Variants in JMJD1C observed in about 807,000 individuals in gnomAD.
The protein encoded by JMJD1C is jumonji domain containing 1C.
Under a neutral mutation model 245.3 loss-of-function variants are expected in JMJD1C, and 31 were observed. That is an observed-to-expected ratio of 0.13 (90% confidence interval 0.09 to 0.17). The LOEUF (loss-of-function observed/expected upper bound fraction) is 0.17, where lower values mean the gene tolerates loss of function less well. Among genes scored for constraint, JMJD1C ranks in the 10% least tolerant of loss-of-function variants. JMJD1C has a pLI of 1.00. For missense variants in JMJD1C, 2,691 were observed against 3,000.2 expected, an observed-to-expected ratio of 0.90 and a Z score of 2.41; for synonymous variants, 1,057 against 1,017.4, an observed-to-expected ratio of 1.04 and a Z score of -0.74.
chr10:63,313,412 C>T (rs760408268), intron 2 of JMJD1C, among the ~76,000 whole-genome samples: 5 of 152,136 alleles, frequency 3.3e-5, no homozygotes, highest in Admixed American at 6.5e-5. Context: ...CATGACTGTG[C>T]AAGTATCTTT....
intron 1 of JMJD1C, among the ~76,000 whole-genome samples, chr10:63,450,811 G>C (rs1308186916): frequency 6.6e-6 from 1 of 151,744 alleles, no homozygotes; most frequent in Non-Finnish European, 1.5e-5. Context: ...CATTGGACTA[G>C]TCAGAAACTT....
intron 2 of JMJD1C, among the ~76,000 whole-genome samples, chr10:63,359,797 A>T (rs1945168904): frequency 1.3e-5 from 2 of 152,184 alleles, no homozygotes; most frequent in Non-Finnish European, 2.9e-5. Context: ...CTGCTCTTAC[A>T]ATTTAGAATT....
At chr10:63,441,472 T>C (rs550848938) in intron 1 of JMJD1C, among the ~76,000 whole-genome samples, 2 of 152,294 alleles carry the variant, frequency 1.3e-5, no homozygotes, top group Middle Eastern at 3.4e-3. Flanking sequence ...CTAATACATA[T>C]AAAGTGCTCA....
chr10:63,386,999 C>T (rs770670927), intron 1 of JMJD1C, among the ~76,000 whole-genome samples: 2 of 152,174 alleles, frequency 1.3e-5, no homozygotes, highest in Non-Finnish European at 2.9e-5. Flanking sequence ...TAAAATGTCA[C>T]CACAGCTTCC....
In JMJD1C at chr10:63,207,607, G is replaced by A. The variant is rs771859624; in HGVS notation, c.4062C>T (p.Ile1354=). The change falls in exon 10 of 26, where the codon ATC becomes ATT. Residue 1354 remains isoleucine (I), a synonymous_variant. Coordinates refer to ENST00000399262, the MANE Select transcript of JMJD1C (RefSeq NM_032776.3). The part of the protein sequence containing the change: ...KLAEAGETGR[I]ILPNVNSDSV... ...TGTCTGAATTCACATTTGGCAAAAT[G>A]ATTCTTCCAGTTTCTCCGGCTTCTG... 70 of 1,614,000 alleles carry A rather than the reference G, an allele frequency of 4.3e-5. No individual in the cohort carries two copies. The highest frequency in any genetic ancestry group is 5.0e-5 in the Non-Finnish European group (59 of 1,180,020).
intron 2 of JMJD1C, among the ~76,000 whole-genome samples, chr10:63,322,718 G>C (rs745597454): frequency 1.1e-4 from 16 of 144,770 alleles, no homozygotes; most frequent in Non-Finnish European, 1.6e-4. Flanking sequence ...CAGGAGAACT[G>C]CTTGAACCTG....
chr10:63,496,310 C>T (rs1220696776), intron 1 of JMJD1C, among the ~76,000 whole-genome samples: 4 of 151,820 alleles, frequency 2.6e-5, no homozygotes, highest in Admixed American at 6.6e-5. Context: ...AATTTAAGAC[C>T]AGCATACTAT....
intron 3 of JMJD1C, among the ~76,000 whole-genome samples, chr10:63,260,960 TA>T (rs1339106138): frequency 6.6e-6 from 1 of 152,082 alleles, no homozygotes; most frequent in Non-Finnish European, 1.5e-5. Flanking sequence ...CCCAGCTAGC[TA>T]AAAAACACAG....
At chr10:63,360,063 T>G (rs1461066784) in intron 2 of JMJD1C, among the ~76,000 whole-genome samples, 1 of 152,028 alleles carries the variant, frequency 6.6e-6, no homozygotes, top group Non-Finnish European at 1.5e-5. Flanking sequence ...TAATCCCAGC[T>G]ACTTGAGAGG....
chr10:63,305,533 A>G (rs1938037835), intron 2 of JMJD1C, among the ~76,000 whole-genome samples: 1 of 82,062 alleles, frequency 1.2e-5, no homozygotes, highest in African/African-American at 4.3e-5. Flanking sequence ...CTCTCTCTGG[A>G]GGCAAGGTTT....
chr10:63,186,192 T>C (rs1844106786), intron 19 of JMJD1C, 23 bp downstream of exon 19: 1 of 1,563,388 alleles, frequency 6.4e-7, no homozygotes, highest in Non-Finnish European at 8.7e-7. Context: ...ATGGAGAAAA[T>C]AGTAAAATAA....
intron 2 of JMJD1C, among the ~76,000 whole-genome samples, chr10:63,289,598 T>G (rs938624936): frequency 6.6e-6 from 1 of 152,226 alleles, no homozygotes; most frequent in Non-Finnish European, 1.5e-5. Context: ...ATTGTTTGCA[T>G]GTAGTTTAAA....
At chr10:63,509,101 T>C (rs1166929569) in intron 1 of JMJD1C, among the ~76,000 whole-genome samples, 1 of 152,228 alleles carries the variant, frequency 6.6e-6, no homozygotes, top group Non-Finnish European at 1.5e-5. Context: ...AAAGTTCCTC[T>C]CTCTTCCTAA....
At chr10:63,515,152 AT>A (rs1954980762) in intron 1 of JMJD1C, among the ~76,000 whole-genome samples, 1 of 151,962 alleles carries the variant, frequency 6.6e-6, no homozygotes, top group Non-Finnish European at 1.5e-5. Flanking sequence ...GGCTGAAGTT[AT>A]TTCCCTTCCC....
intron 1 of JMJD1C, chr10:63,521,507 C>T (rs1272029213): frequency 2.2e-6 from 3 of 1,388,952 alleles, no homozygotes; most frequent in Middle Eastern, 2.3e-4. Flanking sequence ...GCGCCCTGCG[C>T]CCACCCGCCC....
At chr10:63,428,758 A>G (rs1950584252) in intron 1 of JMJD1C, among the ~76,000 whole-genome samples, 1 of 152,192 alleles carries the variant, frequency 6.6e-6, no homozygotes, top group Non-Finnish European at 1.5e-5. Context: ...GTTCAATACC[A>G]TGTATCTTAA....
chr10:63,287,890 GAC>G (rs1236348289), intron 2 of JMJD1C, among the ~76,000 whole-genome samples: 1 of 152,038 alleles, frequency 6.6e-6, no homozygotes, highest in Non-Finnish European at 1.5e-5. Context: ...TGGGATTACA[GAC>G]ACCTGTACCA....
Position 63,185,853 on chromosome 10 carries a change from T to C in JMJD1C, c.6740-200A>G, listed in dbSNP as rs1162155190. Among the ~76,000 whole-genome samples the C allele has an allele frequency of 5.9e-5, 9 of 152,258 alleles. 1 individual carries two copies. The highest frequency in any genetic ancestry group is 1.3e-4 in the Non-Finnish European group (9 of 68,044). ...CCTTTTGTACATGAATAGAATTCAT[T>C]AAATTACCCACTTGTAATATCTCAA... On this transcript the variant is annotated intron_variant, in intron 19 of 25. Transcript: ENST00000399262.
intron 2 of JMJD1C, among the ~76,000 whole-genome samples, chr10:63,374,608 T>TA (rs959067041): frequency 5.3e-5 from 8 of 152,168 alleles, no homozygotes; most frequent in African/African-American, 1.9e-4. Context: ...ATATACATTT[T>TA]AAAAAATCAG....
Sources: allele counts gnomAD v4.1 joint callset (sites outside exome capture counted in the v4.1 genomes callset), GRCh38; gene constraint gnomAD v4.1.1; transcripts MANE v1.5; gene names NCBI Gene and HGNC (gene_info 2026-07-23, HGNC 2026-07-21).